FCSK: variants seen among roughly 807,000 people sequenced by gnomAD.
FCSK encodes fucose kinase, also known as L-fucose kinase.
Under a neutral mutation model 122.5 loss-of-function variants are expected in FCSK, and 123 were observed. The ratio of observed to expected loss-of-function variants is 1.00; its 90% CI spans 0.87 to 1.17. The LOEUF (loss-of-function observed/expected upper bound fraction) is 1.17, where lower values mean the gene tolerates loss of function less well. Ranked by LOEUF, FCSK falls within the 50% of genes most tolerant of loss-of-function variation. FCSK has a pLI of 0.00. For synonymous variants in FCSK, 620 were observed against 625.5 expected, an observed-to-expected ratio of 0.99 and a Z score of 0.13; for missense variants, 1,366 against 1,450.4, an observed-to-expected ratio of 0.94 and a Z score of 0.95.
In FCSK at chr16:70,466,097, C is replaced by T. The variant is rs555845931; in HGVS notation, c.286-35C>T. On this transcript the variant is annotated intron_variant, in intron 4 of 23. Transcript: ENST00000288078. ...TGATGAGGTGGCCTTGGGCTCTGTG[C>T]ACTGAGGCTTCCTCACCAGTCCCCC... The T allele has an allele frequency of 6.2e-5, 99 of 1,608,422 alleles. No homozygotes were observed. The South Asian group carries it at 1.0e-3, about 17-fold the overall frequency.
rs375377209 is a variant in FCSK, at chr16:70,474,856, G to A, written c.2222G>A (p.Arg741Gln). The change falls in exon 18 of 24, where the codon CGA becomes CAA. Residue 741 changes from arginine (R) to glutamine (Q), a missense_variant. Transcript: ENST00000288078. ...LGGAVLGLAVRVDGRRPIGAR... is the reference protein window; with the variant it reads ...LGGAVLGLAVQVDGRRPIGAR... ...GGGGCTGTGCTGGGCCTGGCTGTGC[G>A]AGTGGACGGCCGCCGGCCCATCGGA... The A allele has an allele frequency of 1.7e-5, 27 of 1,596,374 alleles. No homozygotes were observed. In the African/African-American group the frequency reaches 2.4e-4, roughly 14 times the overall value.
At chr16:70,465,671 C>T (rs17885668) in intron 4 of FCSK, among the ~76,000 whole-genome samples, 3,903 of 152,138 alleles carry the variant, frequency 0.026, 178 homozygotes, top group African/African-American at 0.089. Flanking sequence ...ATAGGCTGGG[C>T]GCAGTGGCTC....
At chr16:70,455,333 G>T (rs1261311211) in intron 1 of FCSK, among the ~76,000 whole-genome samples, 1 of 152,192 alleles carries the variant, frequency 6.6e-6, no homozygotes, top group East Asian at 1.9e-4. Context: ...TTGAAAGTGG[G>T]TAGAGGCTGG....
chr16:70,471,034 C>T lies in FCSK; in HGVS notation c.1132C>T (p.Leu378=). The change falls in exon 12 of 24, where the codon CTG becomes TTG. Residue 378 remains leucine, a synonymous_variant. Transcript: ENST00000288078. ...CTGCCTGCTGGAGGGCCCTGTCCAG[C>T]TGGGTCCTGGGAGCGTCCTGCAGCA... ...VSCLLEGPVQ[L]GPGSVLQHCH... 6.2e-7 allele frequency: 1 copy of T among 1,603,060 alleles called. No homozygotes were observed. The highest frequency in any genetic ancestry group is 8.5e-7 in the Non-Finnish European group (1 of 1,176,922).
intron 1 of FCSK, among the ~76,000 whole-genome samples, chr16:70,460,142 T>C (rs897534896): frequency 8.8e-5 from 13 of 147,728 alleles, no homozygotes; most frequent in Non-Finnish European, 1.9e-4. Flanking sequence ...TGTCTCGCTC[T>C]GTCGCCCAGG....
chr16:70,465,262 CTG>C lies in FCSK; in HGVS notation c.285+95_285+96del, dbSNP rs1178431261. On this transcript the variant is annotated intron_variant, in intron 4 of 23. Transcript: ENST00000288078. ...GCAGGACTTCAGGGGTGTTCTGCCA[CTG>C]TGTGTGTGCAAGATGAAATCTGAAA... The C allele has an allele frequency of 6.2e-6, 8 of 1,291,660 alleles. No individual in the cohort carries two copies. The Admixed American group carries it at 1.3e-4, about 21-fold the overall frequency. The allele number at this position is 1,291,660 out of a possible 1,614,324, so 80.0% of individuals were successfully genotyped here.
rs79822893 is a variant in FCSK, at chr16:70,466,877, C to A, written c.412-5C>A. 634 of 1,612,804 alleles carry A rather than the reference C, an allele frequency of 3.9e-4. 2 individuals carry two copies. Among genetic ancestry groups the A allele is most frequent in the South Asian group, 3.5e-3 (322 of 90,992 alleles). On this transcript the variant is annotated splice_region_variant and splice_polypyrimidine_tract_variant and intron_variant, in intron 5 of 23. Coordinates refer to ENST00000288078, the MANE Select transcript of FCSK (RefSeq NM_145059.3). ...CAGCTGTGTTCTGTCTCCTTCCCCC[C>A]ACAGCTGGGCCCGGGCTCCCCGCCA...
At chr16:70,470,644 C>T (rs1267647748) in intron 11 of FCSK, among the ~76,000 whole-genome samples, 2 of 152,172 alleles carry the variant, frequency 1.3e-5, no homozygotes, top group Non-Finnish European at 2.9e-5. Context: ...ATTGAGCTTG[C>T]CTGATTGAGA....
chr16:70,471,744 G>A (rs1026777047), intron 13 of FCSK, among the ~76,000 whole-genome samples: 11 of 151,716 alleles, frequency 7.3e-5, no homozygotes, highest in African/African-American at 2.4e-4. Context: ...GACTACCAGC[G>A]TGCACCACCA....
At chr16:70,478,044 A>C in intron 20 of FCSK, 1 of 569,172 alleles carries the variant, frequency 1.8e-6, no homozygotes, top group South Asian at 2.2e-5. Flanking sequence ...CATTAGGTCT[A>C]AAACAAAACT....
Position 70,479,886 on chromosome 16 carries a change from G to A in FCSK, c.*206G>A, listed in dbSNP as rs1295875134. Reference sequence around the variant, plus strand: ...GGACAGGGGCCTAGATGTAGCCTCTGTTCCTCCTGGACATAGGAAGGTCCC... The same window carrying A: ...GGACAGGGGCCTAGATGTAGCCTCTATTCCTCCTGGACATAGGAAGGTCCC... On this transcript the variant is annotated 3_prime_UTR_variant, in exon 24 of 24. Transcript: ENST00000288078. 5.8e-6 allele frequency: 3 copies of A among 520,864 alleles called. No homozygotes were observed. The Admixed American group carries it at 9.8e-5, about 17-fold the overall frequency. 32.3% of individuals were successfully genotyped at this position (520,864 alleles called of 1,614,324 possible). A position where few individuals can be genotyped will look rare whatever the true frequency, so the allele number is the denominator to read the frequency against.
Position 70,471,353 on chromosome 16 carries a change from G to C in FCSK, c.1341+1G>C, listed in dbSNP as rs199704601. ...CGTTGGCCGTCTGGACAGCTGGGAG[G>C]TAGGCAGTCACCCTGCATTCCCTCA... On this transcript the variant is annotated splice_donor_variant, in intron 13 of 23. Transcript: ENST00000288078. LOFTEE classifies it high-confidence loss of function. The C allele has an allele frequency of 1.2e-4, 182 of 1,572,346 alleles. 1 individual carries two copies. The East Asian group carries it at 3.5e-3, about 30-fold the overall frequency.
rs201537584 is a variant in FCSK at position 70,474,806 on chromosome 16, G to T, written c.2172G>T (p.Thr724=). 5.7e-5 allele frequency: 90 copies of T among 1,578,990 alleles called. No homozygotes were observed. The highest frequency in any genetic ancestry group is 1.5e-4 in the South Asian group (13 of 86,868). ...CTGCCATAGGGGGCTGGAGTGACAC[G>T]CCACCCCTTGCCTATGAGCTTGGCG... ...RVDFSGGWSD[T]PPLAYELGGA... The change falls in exon 18 of 24, where the codon ACG becomes ACT. Residue 724 remains threonine (T), a synonymous_variant. Transcript: ENST00000288078.
At chr16:70,466,837 G>C (rs367786866) in intron 5 of FCSK, 45 bp from the exon 6 acceptor site, 1 of 1,573,258 alleles carries the variant, frequency 6.4e-7, no homozygotes, top group Non-Finnish European at 8.7e-7. Flanking sequence ...GCAGGTGAAG[G>C]CCTGGGCCAG....
At chr16:70,465,446 C>T (rs1326044262) in intron 4 of FCSK, among the ~76,000 whole-genome samples, 1 of 151,228 alleles carries the variant, frequency 6.6e-6, no homozygotes, top group Non-Finnish European at 1.5e-5. Flanking sequence ...ATTGCTTGAG[C>T]CCAGGAGATC....
In FCSK at chr16:70,472,585, C is replaced by T. The variant is rs2048660987; in HGVS notation, c.1386C>T (p.Phe462=). 14 of 1,613,248 alleles carry T rather than the reference C, an allele frequency of 8.7e-6. No individual in the cohort carries two copies. The highest frequency in any genetic ancestry group is 1.1e-5 in the Non-Finnish European group (13 of 1,179,602). ...ATCTCAACGTGCCCTGGAGTGAATT[C>T]TTCAAGAGGACAGGTGTTCGGTAAG... is the stretch of plus-strand genomic sequence containing the variant. The part of the protein sequence containing the change: ...GTYLNVPWSE[F]FKRTGVRAWD... Residue 462 remains phenylalanine (F), a synonymous_variant, in exon 14 of 24, where the codon TTC becomes TTT. Transcript: ENST00000288078.
chr16:70,472,998 G>A lies in FCSK; in HGVS notation c.1422G>A (p.Trp474Ter), dbSNP rs1351770586. ...CCCACATCAGAGCCTGGGACCTGTG[G>A]GACCCTGAGACGCTGCCCGCAGAGT... is the stretch of plus-strand genomic sequence containing the variant. Reference protein sequence around the residue: ...KRTGVRAWDLWDPETLPAEYC... With the variant: ...KRTGVRAWDL Residue 474 changes from tryptophan (W) to a stop codon, truncating the protein, a stop_gained, in exon 15 of 24, where the codon TGG becomes TGA. Transcript: ENST00000288078. LOFTEE classifies it high-confidence loss of function. 1.9e-6 allele frequency: 3 copies of A among 1,602,342 alleles called. No homozygotes were observed. The highest frequency in any genetic ancestry group is 2.6e-6 in the Non-Finnish European group (3 of 1,175,034).
intron 20 of FCSK, 124 bp from the exon 21 acceptor site, chr16:70,478,148 G>T: frequency 9.2e-6 from 8 of 866,558 alleles, no homozygotes; most frequent in Non-Finnish European, 1.3e-5. Context: ...TCACTGTCCT[G>T]TGGAGTTGAG....
At position 70,479,775 on chromosome 16, in the gene FCSK, A is replaced by C; in HGVS notation, c.*95A>C. The C allele has an allele frequency of 1.1e-6, 1 of 887,954 alleles. No individual in the cohort carries two copies. Among genetic ancestry groups the C allele is most frequent in the Non-Finnish European group, 1.7e-6 (1 of 575,316 alleles). 55.0% of individuals were successfully genotyped at this position (887,954 alleles called of 1,614,324 possible). A position where few individuals can be genotyped will look rare whatever the true frequency, so the allele number is the denominator to read the frequency against. On this transcript the variant is annotated 3_prime_UTR_variant, in exon 24 of 24. Transcript: ENST00000288078. ...AACCTCCACCTCCTACTCCCCACCC[A>C]CCTCTGCGAATCTGCTCCCAAAGGA...
Sources: gnomAD v4.1 joint callset for allele counts (sites outside exome capture counted in the v4.1 genomes callset) on GRCh38, gnomAD v4.1.1 for gene constraint, MANE v1.5 for transcripts, NCBI Gene and HGNC (gene_info 2026-07-23, HGNC 2026-07-21) for gene names.